The following MYH11 variants were observed in gnomAD, a reference collection of about 807,000 sequenced individuals.
MYH11 encodes myosin heavy chain 11.
MYH11 carries 80 observed loss-of-function variants against 246.6 expected under a neutral mutation model. The ratio of observed to expected loss-of-function variants is 0.32; its 90% CI spans 0.27 to 0.39. The LOEUF is 0.39. Among genes scored for constraint, MYH11 ranks in the 10% least tolerant of loss-of-function variants. The pLI, the probability that MYH11 is intolerant of heterozygous loss-of-function variation, is 1.00. For synonymous variants in MYH11, 1,071 were observed against 1,015.5 expected, an observed-to-expected ratio of 1.05 and a Z score of -1.04; for missense variants, 2,158 against 2,546.8, an observed-to-expected ratio of 0.85 and a Z score of 3.29.
chr16:15,804,140 C>G (rs528009788), intron 3 of MYH11, among the ~76,000 whole-genome samples: 1 of 152,296 alleles, frequency 6.6e-6, no homozygotes, highest in African/African-American at 2.4e-5. Context: ...GTGCACCCAC[C>G]ACCACTTCTT....
intron 31 of MYH11, among the ~76,000 whole-genome samples, chr16:15,722,094 AGT>A (rs1220157137): frequency 6.6e-6 from 1 of 152,084 alleles, no homozygotes; most frequent in African/African-American, 2.4e-5. Flanking sequence ...CTGACCCTCA[AGT>A]GAGCCTCCTG....
chr16:15,782,597 C>A, intron 5 of MYH11, 120 bp from the exon 6 acceptor site: 1 of 740,554 alleles, frequency 1.4e-6, no homozygotes, highest in Non-Finnish European at 2.4e-6. Flanking sequence ...TATCTCCTAC[C>A]TCCTCTTAGA....
intron 15 of MYH11, among the ~76,000 whole-genome samples, chr16:15,751,958 GT>G (rs1172835223): frequency 6.6e-6 from 1 of 151,716 alleles, no homozygotes; most frequent in Non-Finnish European, 1.5e-5. Context: ...CGCCCAGTTA[GT>G]TTTTGTATTT....
intron 13 of MYH11, among the ~76,000 whole-genome samples, chr16:15,757,185 C>G (rs1567733575): frequency 1.3e-5 from 2 of 150,822 alleles, no homozygotes; most frequent in African/African-American, 2.4e-5. Flanking sequence ...GAGACAGGGT[C>G]TCACTCTGTT....
chr16:15,841,081 C>T (rs1481456606), intron 1 of MYH11, among the ~76,000 whole-genome samples: 1 of 152,142 alleles, frequency 6.6e-6, no homozygotes, highest in Non-Finnish European at 1.5e-5. Flanking sequence ...GTCCATCACC[C>T]TAACACCCCA....
chr16:15,801,972 A>C (rs577029048), intron 3 of MYH11, among the ~76,000 whole-genome samples: 74 of 140,632 alleles, frequency 5.3e-4, no homozygotes, highest in African/African-American at 2.2e-3. Flanking sequence ...CAAAACAAAC[A>C]AAAAAAACCA....
At chr16:15,733,077 C>T (rs568669983) in intron 26 of MYH11, 31 of 327,880 alleles carry the variant, frequency 9.5e-5, no homozygotes, top group Admixed American at 3.1e-4. Context: ...ATCATCTAAT[C>T]CTCAGAGCAA....
Position 15,779,544 on chromosome 16 carries a change from A to G in MYH11, c.727-701T>C, listed in dbSNP as rs574206027. On this transcript the variant is annotated intron_variant, in intron 6 of 40. Transcript: ENST00000300036. ...AGAGGTAGGGCCCTAAGCAGAAAGA[A>G]GGTTTTTCCATATTCAGGGGCTAGA... 1.9e-5 allele frequency: 3 copies of G among 155,862 alleles called. No homozygotes were observed. In the East Asian group the frequency reaches 5.7e-4, roughly 30 times the overall value. The allele number at this position is 155,862 out of a possible 1,614,324, so 9.7% of individuals were successfully genotyped here.
intron 5 of MYH11, chr16:15,783,488 G>T (rs1433160394): frequency 6.6e-6 from 1 of 152,216 alleles, no homozygotes; most frequent in Non-Finnish European, 1.5e-5. Flanking sequence ...ATTTGTTTCT[G>T]TTTTGATTTG....
chr16:15,824,916 G>C (rs897193786), intron 2 of MYH11, among the ~76,000 whole-genome samples: 6 of 152,152 alleles, frequency 3.9e-5, no homozygotes, highest in African/African-American at 1.4e-4. Flanking sequence ...AGTGAGGCAT[G>C]GTGAGGTTGT....
At chr16:15,778,215 C>CATTCTCTACTT (rs1265282686) in intron 7 of MYH11, among the ~76,000 whole-genome samples, 7 of 152,258 alleles carry the variant, frequency 4.6e-5, no homozygotes, top group African/African-American at 1.7e-4. Context: ...TTGTTCCTTG[C>CATTCTCTACTT]GATACCAGCA....
At chr16:15,835,947 G>C (rs1024183984) in intron 2 of MYH11, among the ~76,000 whole-genome samples, 2 of 151,700 alleles carry the variant, frequency 1.3e-5, no homozygotes, top group African/African-American at 4.8e-5. Context: ...ATGGGGTCTC[G>C]TTGTGTTGCC....
At chr16:15,842,031 C>T (rs2044065230) in intron 1 of MYH11, among the ~76,000 whole-genome samples, 2 of 152,184 alleles carry the variant, frequency 1.3e-5, no homozygotes, top group African/African-American at 2.4e-5. Context: ...ATGGGAGTGG[C>T]AGATATTCCA....
intron 1 of MYH11, among the ~76,000 whole-genome samples, chr16:15,853,158 T>G (rs1282833964): frequency 1.3e-5 from 2 of 152,098 alleles, no homozygotes; most frequent in Non-Finnish European, 2.9e-5. Context: ...CCCTCACCTT[T>G]TTTTTGAGAC....
At chr16:15,714,743 G>T in intron 40 of MYH11, 166 bp downstream of exon 40, 1 of 888,040 alleles carries the variant, frequency 1.1e-6, no homozygotes, top group Non-Finnish European at 1.8e-6. Context: ...TGATCTCAGT[G>T]CCTGGCCCAC....
At chr16:15,813,493 T>A (rs1282635927) in intron 3 of MYH11, among the ~76,000 whole-genome samples, 8 of 152,188 alleles carry the variant, frequency 5.3e-5, no homozygotes, top group Admixed American at 5.2e-4. Context: ...TGTAGGTTTG[T>A]GGTAAAGATT....
At chr16:15,769,671 C>T (rs955036215) in intron 9 of MYH11, among the ~76,000 whole-genome samples, 7 of 152,242 alleles carry the variant, frequency 4.6e-5, no homozygotes, top group African/African-American at 1.4e-4. Flanking sequence ...AAGTGATCTG[C>T]CTGCCTTGGC....
At chr16:15,823,214 G>A (rs1178693683) in intron 3 of MYH11, 41 bp downstream of exon 3, 2 of 1,612,748 alleles carry the variant, frequency 1.2e-6, no homozygotes, top group Admixed American at 1.7e-5. Flanking sequence ...GACAGGAGGG[G>A]CTCCCTGGAG....
chr16:15,788,845 AGAG>A (rs1014980984), intron 4 of MYH11, among the ~76,000 whole-genome samples: 2 of 145,774 alleles, frequency 1.4e-5, no homozygotes, highest in Non-Finnish European at 3.0e-5. Flanking sequence ...TGTGTGTAAA[AGAG>A]GAGAACTGGC....
Sources: gnomAD v4.1 joint callset for allele counts (sites outside exome capture counted in the v4.1 genomes callset) on GRCh38, gnomAD v4.1.1 for gene constraint, MANE v1.5 for transcripts, NCBI Gene and HGNC (gene_info 2026-07-23, HGNC 2026-07-21) for gene names.